UNC5D: variants seen among roughly 807,000 people sequenced by gnomAD.
UNC5D encodes the protein unc-5 netrin receptor D.
A neutral mutation model predicts 105.4 loss-of-function variants in UNC5D; 39 were observed. The observed-to-expected ratio is 0.37, with a 90% CI of 0.29 to 0.48. UNC5D has a LOEUF of 0.48. Ranked by LOEUF, UNC5D falls within the 20% of genes least tolerant of loss-of-function variation. The pLI is 0.98. For synonymous variants in UNC5D, 452 were observed against 450.4 expected (o/e 1.00, Z -0.04); for missense variants, 991 against 1,202.4 (o/e 0.82, Z 2.60).
chr8:35,714,385 T>C (rs920672901), intron 8 of UNC5D, among the ~76,000 whole-genome samples: 24 of 152,168 alleles, frequency 1.6e-4, no homozygotes, highest in African/African-American at 5.8e-4. Flanking sequence ...GAAGGAAATA[T>C]GGCATCAGAT....
chr8:35,495,980 A>G (rs371256207), intron 1 of UNC5D, among the ~76,000 whole-genome samples: 75 of 152,294 alleles, frequency 4.9e-4, no homozygotes, highest in African/African-American at 1.8e-3. Flanking sequence ...GTGGTGGCAA[A>G]AGGGGAAGAT....
intron 4 of UNC5D, among the ~76,000 whole-genome samples, chr8:35,651,121 G>T (rs1016614884): frequency 5.3e-5 from 8 of 152,262 alleles, no homozygotes; most frequent in African/African-American, 1.9e-4. Flanking sequence ...CCTGGGTGGA[G>T]AATAAAGACA....
chr8:35,285,844 T>C (rs1563280482), intron 1 of UNC5D, among the ~76,000 whole-genome samples: 1 of 152,188 alleles, frequency 6.6e-6, no homozygotes. Flanking sequence ...GTTTTCTATC[T>C]AGCTACATTT....
intron 4 of UNC5D, among the ~76,000 whole-genome samples, chr8:35,618,058 G>A (rs1044497381): frequency 2.0e-5 from 3 of 152,204 alleles, no homozygotes; most frequent in African/African-American, 4.8e-5. Flanking sequence ...TCAGGCTGAC[G>A]ATTCATATAC....
intron 8 of UNC5D, among the ~76,000 whole-genome samples, chr8:35,713,926 T>C (rs1828108030): frequency 1.3e-5 from 2 of 152,298 alleles, no homozygotes; most frequent in South Asian, 4.2e-4. Flanking sequence ...GTGAAGTGTC[T>C]TGAGCAGTGA....
chr8:35,506,400 A>T (rs1812306201), intron 1 of UNC5D, among the ~76,000 whole-genome samples: 1 of 152,220 alleles, frequency 6.6e-6, no homozygotes, highest in South Asian at 2.1e-4. Context: ...TGGCAAATGG[A>T]ATTATCCTGA....
intron 8 of UNC5D, among the ~76,000 whole-genome samples, chr8:35,719,141 T>TACACACACACACACAC (rs57660135): frequency 1.5e-5 from 2 of 133,076 alleles, no homozygotes; most frequent in Non-Finnish European, 3.2e-5. Context: ...CATGTGCTTA[T>TACACACACACACACAC]ACACACACAC....
intron 4 of UNC5D, among the ~76,000 whole-genome samples, chr8:35,646,992 T>A (rs983257046): frequency 1.7e-4 from 26 of 152,254 alleles, no homozygotes; most frequent in African/African-American, 6.0e-4. Flanking sequence ...CCAATAATTG[T>A]ATTTCCTCAA....
chr8:35,496,015 G>T (rs139590757), intron 1 of UNC5D, among the ~76,000 whole-genome samples: 2 of 152,176 alleles, frequency 1.3e-5, no homozygotes, highest in African/African-American at 4.8e-5. Context: ...TCATAGTGGG[G>T]AATGTTTAAT....
chr8:35,540,894 A>G (rs1815225338), intron 1 of UNC5D, among the ~76,000 whole-genome samples: 1 of 152,302 alleles, frequency 6.6e-6, no homozygotes, highest in Non-Finnish European at 1.5e-5. Context: ...TATTAGGACC[A>G]GCATGGGTTC....
At chr8:35,679,534 G>A (rs529097474) in intron 4 of UNC5D, among the ~76,000 whole-genome samples, 17 of 152,220 alleles carry the variant, frequency 1.1e-4, no homozygotes, top group South Asian at 6.2e-4. Flanking sequence ...GCTAAAGCTC[G>A]AGGCTCTGAG....
intron 1 of UNC5D, among the ~76,000 whole-genome samples, chr8:35,527,434 G>A (rs1440228958): frequency 6.6e-6 from 1 of 152,128 alleles, no homozygotes; most frequent in Non-Finnish European, 1.5e-5. Context: ...CAAAAGTACT[G>A]GAAGATTCTG....
intron 1 of UNC5D, among the ~76,000 whole-genome samples, chr8:35,506,916 C>T (rs77872508): frequency 2.0e-5 from 3 of 152,066 alleles, no homozygotes; most frequent in South Asian, 2.1e-4. Flanking sequence ...CAAATGATAC[C>T]GGCCATGTTG....
chr8:35,618,836 C>T (rs568282095), intron 4 of UNC5D, among the ~76,000 whole-genome samples: 1 of 152,122 alleles, frequency 6.6e-6, no homozygotes, highest in Non-Finnish European at 1.5e-5. Context: ...CATGAAGTTG[C>T]TGAGTAAGGA....
chr8:35,310,620 A>G (rs1253539066), intron 1 of UNC5D, among the ~76,000 whole-genome samples: 1 of 152,010 alleles, frequency 6.6e-6, no homozygotes, highest in East Asian at 1.9e-4. Flanking sequence ...TGTCTCAAAA[A>G]AATAAATAAA....
chr8:35,744,514 T>G (rs1829910923), intron 11 of UNC5D, among the ~76,000 whole-genome samples: 1 of 152,154 alleles, frequency 6.6e-6, no homozygotes, highest in Admixed American at 6.6e-5. Flanking sequence ...TGTGGAGGAG[T>G]TTTCCCTTCT....
At chr8:35,600,323 T>C (rs1375597694) in intron 4 of UNC5D, among the ~76,000 whole-genome samples, 1 of 152,210 alleles carries the variant, frequency 6.6e-6, no homozygotes. Flanking sequence ...TACCCAGTAA[T>C]GGGATGGCTG....
intron 4 of UNC5D, among the ~76,000 whole-genome samples, chr8:35,625,381 A>G (rs1821646364): frequency 6.6e-6 from 1 of 152,226 alleles, no homozygotes; most frequent in Non-Finnish European, 1.5e-5. Context: ...ATTTTAATGG[A>G]AATGTAAAAT....
At chr8:35,663,307 T>C (rs2131242248) in intron 4 of UNC5D, among the ~76,000 whole-genome samples, 1 of 152,362 alleles carries the variant, frequency 6.6e-6, no homozygotes. Context: ...TTTTAGTCCT[T>C]CTTGGCTAGG....
Sources: allele counts gnomAD v4.1 joint callset (sites outside exome capture counted in the v4.1 genomes callset), GRCh38; gene constraint gnomAD v4.1.1; transcripts MANE v1.5; gene names NCBI Gene and HGNC (gene_info 2026-07-23, HGNC 2026-07-21).